Variants in SFXN5 observed in about 807,000 individuals in gnomAD.
SFXN5 encodes sideroflexin-5.
Under a neutral mutation model 50.2 loss-of-function variants are expected in SFXN5, and 43 were observed. The ratio of observed to expected loss-of-function variants is 0.86; its 90% CI spans 0.67 to 1.11. The LOEUF (loss-of-function observed/expected upper bound fraction) is 1.11. Ranked by LOEUF, SFXN5 falls within the 50% of genes least tolerant of loss-of-function variation. The pLI, the probability that SFXN5 is intolerant of heterozygous loss-of-function variation, is 0.00. For missense variants in SFXN5, 463 were observed against 454.1 expected, an observed-to-expected ratio of 1.02 and a Z score of -0.18; for synonymous variants, 203 against 185.8, an observed-to-expected ratio of 1.09 and a Z score of -0.75.
At chr2:72,946,512 C>G (rs1263154730) in intron 13 of SFXN5, among the ~76,000 whole-genome samples, 1 of 152,196 alleles carries the variant, frequency 6.6e-6, no homozygotes, top group Non-Finnish European at 1.5e-5. Context: ...GTTACCCCCA[C>G]ACAAGATTTC....
chr2:73,024,909 T>C (rs1677368970), intron 3 of SFXN5, among the ~76,000 whole-genome samples: 1 of 152,192 alleles, frequency 6.6e-6, no homozygotes, highest in African/African-American at 2.4e-5. Flanking sequence ...TTTATGCATT[T>C]TTCTCACAGC....
At chr2:72,952,947 A>T (rs1246412761) in intron 13 of SFXN5, among the ~76,000 whole-genome samples, 1 of 152,210 alleles carries the variant, frequency 6.6e-6, no homozygotes, top group Non-Finnish European at 1.5e-5. Flanking sequence ...GAAGCTCTGC[A>T]CAACCAAGCC....
At chr2:73,056,599 C>T (rs1011333542) in intron 2 of SFXN5, among the ~76,000 whole-genome samples, 6 of 151,560 alleles carry the variant, frequency 4.0e-5, no homozygotes, top group African/African-American at 9.7e-5. Flanking sequence ...GCAGGAGAAT[C>T]GCTTGAACCT....
rs1353782254 is a variant in SFXN5, at chr2:72,992,422, T to C, written c.535-4074A>G. Among the ~76,000 whole-genome samples the C allele has an allele frequency of 1.3e-5, 2 of 152,210 alleles. No individual in the cohort carries two copies. The highest frequency in any genetic ancestry group is 3.9e-4 in the East Asian group (2 of 5,188). ...ATGCCTGCATCCCTCTCCCCGCATC[T>C]GTGCCCCCACTGCAGCCTGAATATC... On this transcript the variant is annotated intron_variant, in intron 9 of 13. Coordinates refer to ENST00000272433, the MANE Select transcript of SFXN5 (RefSeq NM_144579.3). This position sits in a 1 kb window ranked among gnomAD's most constrained non-coding sequence, Gnocchi z 4.5.
chr2:73,017,217 TAAG>T (rs910579777), intron 6 of SFXN5, among the ~76,000 whole-genome samples: 6 of 151,986 alleles, frequency 3.9e-5, no homozygotes, highest in African/African-American at 7.3e-5. Flanking sequence ...ACAAAAAAAA[TAAG>T]AAGGAGAAGT....
chr2:73,054,053 C>A (rs1389383804), intron 2 of SFXN5, among the ~76,000 whole-genome samples: 1 of 152,186 alleles, frequency 6.6e-6, no homozygotes, highest in Admixed American at 6.5e-5. Flanking sequence ...TGCTAAATAA[C>A]CTGCCTAGAC....
At chr2:73,013,350 A>T (rs1170405749) in intron 6 of SFXN5, among the ~76,000 whole-genome samples, 1 of 152,066 alleles carries the variant, frequency 6.6e-6, no homozygotes, top group Non-Finnish European at 1.5e-5. Context: ...CAAAACAGGA[A>T]TAAAAAAATT....
chr2:72,969,429 C>G (rs1674886588), intron 11 of SFXN5, among the ~76,000 whole-genome samples: 1 of 152,018 alleles, frequency 6.6e-6, no homozygotes, highest in African/African-American at 2.4e-5. Context: ...AGGTCTTGCT[C>G]TGTTGCCCAG....
Position 72,944,924 on chromosome 2 carries a change from T to A in SFXN5, c.*98A>T, listed in dbSNP as rs1009143438. 1 of 1,115,900 alleles carries A rather than the reference T, an allele frequency of 9.0e-7. No individual in the cohort carries two copies. Among genetic ancestry groups the A allele is most frequent in the Non-Finnish European group, 1.3e-6 (1 of 762,300 alleles). The allele number at this position is 1,115,900 out of a possible 1,614,324, so 69.1% of individuals were successfully genotyped here. ...CCCAGGGGGCCCAGGACTGCTGGGG[T>A]TGGCGTGCTGCTCCCTGCAGGTGCA... is the stretch of plus-strand genomic sequence containing the variant. On this transcript the variant is annotated 3_prime_UTR_variant, in exon 14 of 14. Coordinates refer to ENST00000272433, the MANE Select transcript of SFXN5 (RefSeq NM_144579.3).
At chr2:73,058,666 G>A in intron 1 of SFXN5, 70 bp from the exon 2 acceptor site, 1 of 1,428,264 alleles carries the variant, frequency 7.0e-7, no homozygotes. Context: ...ACACTGGAGA[G>A]CCCCACCCTT....
rs563116886 is a variant in SFXN5 at position 73,020,126 on chromosome 2, G to A, written c.357+113C>T. The A allele has an allele frequency of 3.2e-5, 31 of 956,364 alleles. No individual in the cohort carries two copies. The East Asian group carries it at 7.3e-4, about 23-fold the overall frequency. 59.2% of individuals were successfully genotyped at this position (956,364 alleles called of 1,614,324 possible). The stretch of plus-strand genomic sequence containing the variant: ...ATTTTATTTGGTAATTTCCCTCCAG[G>A]AATTGACTTATCCTAAATCAACAAT... On this transcript the variant is annotated intron_variant, in intron 6 of 13. Transcript: ENST00000272433.
chr2:72,955,413 AGC>A (rs1359361167), intron 13 of SFXN5, among the ~76,000 whole-genome samples: 2 of 152,220 alleles, frequency 1.3e-5, no homozygotes, highest in African/African-American at 4.8e-5. Flanking sequence ...TTGTATGTGC[AGC>A]CCCGTTCCCC....
intron 2 of SFXN5, chr2:73,041,644 G>A (rs1229714789): frequency 4.7e-6 from 2 of 423,412 alleles, no homozygotes; most frequent in African/African-American, 2.0e-5. Context: ...GAGCCTGGGG[G>A]ACAGTGCAAG....
intron 1 of SFXN5, among the ~76,000 whole-genome samples, chr2:73,060,991 G>A (rs933589888): frequency 2.7e-5 from 4 of 146,230 alleles, no homozygotes; most frequent in Admixed American, 2.7e-4. Context: ...GTGAGCCACC[G>A]CGCCTGGCCA....
intron 1 of SFXN5, chr2:73,070,377 C>G (rs948567938): frequency 1.3e-5 from 2 of 152,068 alleles, no homozygotes; most frequent in African/African-American, 4.8e-5. Flanking sequence ...TAATTATCAG[C>G]AAAGCTCGGG....
At chr2:72,967,724 G>T (rs1438478452) in intron 12 of SFXN5, among the ~76,000 whole-genome samples, 1 of 152,222 alleles carries the variant, frequency 6.6e-6, no homozygotes, top group East Asian at 1.9e-4. Context: ...CCAGGGGTCT[G>T]TAACTCCAGG....
At chr2:73,041,247 T>C (rs1383146829) in intron 2 of SFXN5, among the ~76,000 whole-genome samples, 1 of 152,198 alleles carries the variant, frequency 6.6e-6, no homozygotes, top group African/African-American at 2.4e-5. Flanking sequence ...TCAAATAATA[T>C]TTCCTATGTG....
intron 2 of SFXN5, among the ~76,000 whole-genome samples, chr2:73,056,361 G>T: frequency 6.7e-6 from 1 of 149,286 alleles, no homozygotes; most frequent in East Asian, 2.0e-4. Context: ...CAGCCTGGGG[G>T]ACAAGAGCGA....
At chr2:72,995,922 C>T (rs1291616864) in intron 9 of SFXN5, among the ~76,000 whole-genome samples, 4 of 152,216 alleles carry the variant, frequency 2.6e-5, no homozygotes, top group Non-Finnish European at 5.9e-5. Context: ...TGTGTGAAGA[C>T]GTCAGGCGGA....
Sources: allele counts gnomAD v4.1 joint callset (sites outside exome capture counted in the v4.1 genomes callset), GRCh38; gene constraint gnomAD v4.1.1; non-coding constraint Gnocchi (gnomAD v3.1); transcripts MANE v1.5; gene names NCBI Gene and HGNC (gene_info 2026-07-23, HGNC 2026-07-21).